Variants in AGMO observed in about 807,000 individuals in gnomAD.
AGMO encodes the protein alkylglycerol monooxygenase, also known as glyceryl-ether monooxygenase.
In AGMO, 75 loss-of-function variants were observed where a neutral mutation model predicts 60.2. The observed-to-expected ratio is 1.25, with a 90% CI of 1.03 to 1.51. The LOEUF is 1.51. Among genes scored for constraint, AGMO ranks in the 40% most tolerant of loss-of-function variants. The probability of loss-of-function intolerance (pLI) is 0.00; values close to 1 mark genes in which losing one functional copy is unlikely to be tolerated. For synonymous variants in AGMO, 261 were observed against 177.1 expected (o/e 1.47, Z -3.76); for missense variants, 763 against 525.5 (o/e 1.45, Z -4.42).
intron 3 of AGMO, among the ~76,000 whole-genome samples, chr7:15,446,079 GA>G (rs1320915958): frequency 1.3e-5 from 2 of 152,118 alleles, no homozygotes; most frequent in East Asian, 1.9e-4. Context: ...TACATGTGAT[GA>G]AGATCCATTA....
intron 12 of AGMO, among the ~76,000 whole-genome samples, chr7:15,290,961 T>C (rs1784247097): frequency 6.6e-6 from 1 of 152,258 alleles, no homozygotes; most frequent in Non-Finnish European, 1.5e-5. Context: ...GGATGGATAA[T>C]AGAGTCTAGT....
chr7:15,554,883 A>G (rs1167951890), intron 2 of AGMO, among the ~76,000 whole-genome samples: 5 of 151,970 alleles, frequency 3.3e-5, no homozygotes, highest in African/African-American at 4.8e-5. Flanking sequence ...TGGGCATGAC[A>G]TTCACTCTTT....
chr7:15,265,363 C>T (rs575305240), intron 12 of AGMO, among the ~76,000 whole-genome samples: 2 of 151,966 alleles, frequency 1.3e-5, no homozygotes, highest in South Asian at 2.1e-4. Context: ...GTGACAGGAT[C>T]GCTCAGACCC....
intron 5 of AGMO, among the ~76,000 whole-genome samples, chr7:15,405,500 G>A (rs1562490785): frequency 1.3e-5 from 2 of 151,972 alleles, no homozygotes; most frequent in African/African-American, 2.4e-5. Context: ...CAATCATTCT[G>A]TATCTTGATA....
chr7:15,525,306 G>C (rs2128537763), intron 3 of AGMO, among the ~76,000 whole-genome samples: 1 of 152,158 alleles, frequency 6.6e-6, no homozygotes, highest in South Asian at 2.1e-4. Flanking sequence ...CACAATCTTG[G>C]ATAAATCTGC....
chr7:15,390,003 A>AG (rs1784073240), intron 8 of AGMO, among the ~76,000 whole-genome samples: 1 of 151,952 alleles, frequency 6.6e-6, no homozygotes, highest in Non-Finnish European at 1.5e-5. Flanking sequence ...TCATTGACCC[A>AG]CCTCTTCAGC....
Position 15,365,631 on chromosome 7 carries a change from T to C in AGMO, c.1158-12A>G. On this transcript the variant is annotated splice_polypyrimidine_tract_variant and intron_variant, in intron 11 of 12. Coordinates refer to ENST00000342526, the MANE Select transcript of AGMO (RefSeq NM_001004320.2). ...TAGCTGCCTTGGGTCTGAAATAAAA[T>C]GTCATTAACATGCATTAGCTTTAAA... is the stretch of plus-strand genomic sequence containing the variant. The C allele has an allele frequency of 2.5e-6, 4 of 1,584,074 alleles. No homozygotes were observed. The highest frequency in any genetic ancestry group is 1.3e-5 in the African/African-American group (1 of 74,268).
chr7:15,332,316 C>T (rs1288166768), intron 12 of AGMO, among the ~76,000 whole-genome samples: 3 of 152,040 alleles, frequency 2.0e-5, no homozygotes, highest in Admixed American at 2.0e-4. Context: ...GGTTCTGGTA[C>T]AGCATAGACA....
the AGMO span, among the ~76,000 whole-genome samples, chr7:15,139,252 T>G: frequency 2.0e-5 from 3 of 152,334 alleles, no homozygotes; most frequent in African/African-American, 7.2e-5. Flanking sequence ...TCCCAATTAT[T>G]TCTACGTTTC....
rs540731272 is a variant in AGMO, at chr7:15,242,218, G to C, written c.1264-40859C>G. Among the ~76,000 whole-genome samples, 6 of 152,090 alleles carry C rather than the reference G, an allele frequency of 3.9e-5. 1 individual carries two copies. In the South Asian group the frequency reaches 1.0e-3, roughly 26 times the overall value. On this transcript the variant is annotated intron_variant, in intron 12 of 12. Transcript: ENST00000342526. The stretch of plus-strand genomic sequence containing the variant: ...TATCATATTCACAAATCTAAGTTTA[G>C]GGCAGAAAATCATGAAGGACCATTT...
intron 3 of AGMO, among the ~76,000 whole-genome samples, chr7:15,478,147 T>C (rs963581286): frequency 3.3e-5 from 5 of 152,122 alleles, no homozygotes; most frequent in African/African-American, 7.2e-5. Context: ...CTTTAATACT[T>C]ATGAGTTAGA....
At chr7:15,276,140 T>C (rs967784617) in intron 12 of AGMO, among the ~76,000 whole-genome samples, 6 of 152,216 alleles carry the variant, frequency 3.9e-5, no homozygotes, top group African/African-American at 1.2e-4. Context: ...TTTGAACTTA[T>C]GTAATGTCTT....
chr7:15,407,239 ATATATATATATGTATATACT>A (rs1400197267), intron 5 of AGMO, among the ~76,000 whole-genome samples: 2 of 146,748 alleles, frequency 1.4e-5, no homozygotes, highest in African/African-American at 4.9e-5. Context: ...ATACATATAT[ATATATATATATGTATATACT>A]TATATGTATA....
At chr7:15,198,243 G>GAGAGAC (rs1781181137), downstream of AGMO, among the ~76,000 whole-genome samples, 4 of 98,662 alleles carry the variant, frequency 4.1e-5, no homozygotes, top group South Asian at 3.4e-4. Context: ...GAGAGAGAGA[G>GAGAGAC]AGAGAGAGAG....
intron 3 of AGMO, among the ~76,000 whole-genome samples, chr7:15,488,786 C>T (rs1583605295): frequency 6.6e-6 from 1 of 151,484 alleles, no homozygotes; most frequent in African/African-American, 2.4e-5. Context: ...AGCTTAGTTA[C>T]ATAAGGGCAC....
At chr7:15,368,839 C>CT (rs774014799) in intron 10 of AGMO, among the ~76,000 whole-genome samples, 3 of 149,924 alleles carry the variant, frequency 2.0e-5, no homozygotes, top group Non-Finnish European at 4.5e-5. Flanking sequence ...ACAAATAACT[C>CT]TTTACCAAAC....
chr7:15,282,607 TG>T (rs1472498862), intron 12 of AGMO, among the ~76,000 whole-genome samples: 1 of 152,164 alleles, frequency 6.6e-6, no homozygotes, highest in East Asian at 1.9e-4. Flanking sequence ...TAAAAATAAC[TG>T]GTGTTCCAAA....
intron 12 of AGMO, among the ~76,000 whole-genome samples, chr7:15,336,352 T>C (rs1335046797): frequency 2.0e-5 from 3 of 151,946 alleles, no homozygotes; most frequent in Admixed American, 6.6e-5. Flanking sequence ...TATTTTAAGG[T>C]TTATTTGTTT....
At chr7:15,465,916 A>G (rs1782272094) in intron 3 of AGMO, among the ~76,000 whole-genome samples, 1 of 152,168 alleles carries the variant, frequency 6.6e-6, no homozygotes. Flanking sequence ...GTAGTCAGAT[A>G]AAATTTCAAG....
Sources: gnomAD v4.1 joint callset for allele counts (sites outside exome capture counted in the v4.1 genomes callset) on GRCh38, gnomAD v4.1.1 for gene constraint, MANE v1.5 for transcripts, NCBI Gene and HGNC (gene_info 2026-07-23, HGNC 2026-07-21) for gene names.